Variants in RBFOX1 observed in about 807,000 individuals in gnomAD.
The protein encoded by RBFOX1 is RNA binding fox-1 homolog 1, also known as RNA binding protein fox-1 homolog 1.
A neutral mutation model predicts 57.7 loss-of-function variants in RBFOX1; 8 were observed. The observed-to-expected ratio is 0.14, with a 90% CI of 0.08 to 0.25. The LOEUF is 0.25. RBFOX1 is among the 10% of genes least tolerant of loss of function. The probability of loss-of-function intolerance (pLI) is 1.00; values close to 1 mark genes in which losing one functional copy is unlikely to be tolerated. For missense variants in RBFOX1, 611 were observed against 548.5 expected (o/e 1.11, Z -1.14); for synonymous variants, 326 against 222.4 (o/e 1.47, Z -4.15).
chr16:6,754,687 C>T (rs1270879741), intron 3 of RBFOX1, among the ~76,000 whole-genome samples: 2 of 151,904 alleles, frequency 1.3e-5, no homozygotes, highest in South Asian at 2.1e-4. Flanking sequence ...GAGAGAGATG[C>T]AGGAAATGGA....
chr16:5,429,080 A>G (rs2067651128), intron 1 of RBFOX1, among the ~76,000 whole-genome samples: 1 of 152,150 alleles, frequency 6.6e-6, no homozygotes, highest in Admixed American at 6.5e-5. Context: ...GAAGGGGACC[A>G]GGAAAACCAG....
intron 2 of RBFOX1, chr16:6,483,929 C>G (rs2095418196): frequency 1.9e-6 from 2 of 1,074,020 alleles, no homozygotes; most frequent in Non-Finnish European, 2.3e-6. Flanking sequence ...GTAAGCCGAG[C>G]TCCAGCTCCG....
chr16:7,154,110 G>T (rs1291580395), intron 4 of RBFOX1, among the ~76,000 whole-genome samples: 6 of 152,168 alleles, frequency 3.9e-5, no homozygotes, highest in Non-Finnish European at 7.3e-5. Context: ...AGGTAGAAAA[G>T]CACTCAAGAT....
At chr16:5,399,725 C>A (rs1186936843) in intron 1 of RBFOX1, among the ~76,000 whole-genome samples, 1 of 150,672 alleles carries the variant, frequency 6.6e-6, no homozygotes, top group Non-Finnish European at 1.5e-5. Flanking sequence ...GACAGTGAGA[C>A]CCTGTCTTAA....
chr16:5,714,886 TGACTTCA>T lies in RBFOX1; in HGVS notation c.318+115927_318+115933del, dbSNP rs1166836582. ...GTCACGTAGCTAGTAGACATCTCAG[TGACTTCA>T]GTGTCAAACACAGAGGCAAGCATAG... On this transcript the variant is annotated intron_variant, in intron 3 of 19. Transcript: ENST00000641259. Among the ~76,000 whole-genome samples, 977 of 152,298 alleles carry T rather than the reference TGACTTCA, an allele frequency of 6.4e-3. 7 individuals are homozygous for T. The highest frequency in any genetic ancestry group is 0.021 in the African/African-American group (890 of 41,552).
intron 3 of RBFOX1, among the ~76,000 whole-genome samples, chr16:6,672,475 GAAA>G (rs1309174855): frequency 7.2e-6 from 1 of 138,750 alleles, no homozygotes; most frequent in Non-Finnish European, 1.6e-5. Flanking sequence ...AAGAAGGAAA[GAAA>G]AAAGAAAAAG....
rs1353282614 is a variant in RBFOX1, at chr16:7,674,860, G to A, written c.931-1914G>A. 2.0e-5 allele frequency among the ~76,000 whole-genome samples: 3 copies of A among 152,174 alleles called. No individual in the cohort carries two copies. The East Asian group carries it at 5.8e-4, about 29-fold the overall frequency. On this transcript the variant is annotated intron_variant, in intron 13 of 15. Coordinates refer to ENST00000550418, the MANE Select transcript of RBFOX1 (RefSeq NM_018723.4). ...GCCTTCTTCCATTGACTGAAACTAAGGCAGAAGGTGGAGGATATGCAAAGT... is the reference window on the plus strand; with the variant it reads ...GCCTTCTTCCATTGACTGAAACTAAAGCAGAAGGTGGAGGATATGCAAAGT...
At chr16:7,225,921 A>ATATATATATATATATATATATATAT (rs1567789355) in intron 4 of RBFOX1, among the ~76,000 whole-genome samples, 2 of 73,210 alleles carry the variant, frequency 2.7e-5, no homozygotes, top group African/African-American at 1.1e-4. Flanking sequence ...TATATATATA[A>ATATATATATATATATATATATATAT]ATGTGAATGT....
intron 1 of RBFOX1, among the ~76,000 whole-genome samples, chr16:5,294,607 A>G (rs969637685): frequency 6.6e-6 from 1 of 152,134 alleles, no homozygotes; most frequent in Non-Finnish European, 1.5e-5. Context: ...CGAGGACTGT[A>G]CATATTGAAA....
At chr16:5,900,971 A>G (rs1485594927) in intron 4 of RBFOX1, among the ~76,000 whole-genome samples, 2 of 152,234 alleles carry the variant, frequency 1.3e-5, no homozygotes, top group Non-Finnish European at 2.9e-5. Flanking sequence ...CAGAGGTGGC[A>G]TGTGAGAAGC....
intron 1 of RBFOX1, among the ~76,000 whole-genome samples, chr16:5,432,886 G>A (rs1287614545): frequency 6.6e-6 from 1 of 151,980 alleles, no homozygotes; most frequent in African/African-American, 2.4e-5. Context: ...CCCAGGTTCA[G>A]GTGATCCTCC....
At chr16:5,985,106 C>T (rs907882880) in intron 4 of RBFOX1, among the ~76,000 whole-genome samples, 5 of 150,640 alleles carry the variant, frequency 3.3e-5, no homozygotes, top group Admixed American at 1.3e-4. Flanking sequence ...CTGTCTCAGC[C>T]TCCTGAGTAG....
At chr16:7,434,656 C>G (rs1471808666) in intron 4 of RBFOX1, among the ~76,000 whole-genome samples, 1 of 151,960 alleles carries the variant, frequency 6.6e-6, no homozygotes, top group Non-Finnish European at 1.5e-5. Context: ...TTTTAGAATA[C>G]TTTTACATTT....
At chr16:7,296,199 T>G (rs891367768) in intron 4 of RBFOX1, among the ~76,000 whole-genome samples, 12 of 151,970 alleles carry the variant, frequency 7.9e-5, no homozygotes, top group Non-Finnish European at 1.8e-4. Flanking sequence ...AGTGAAAATT[T>G]TAATAGACTT....
intron 3 of RBFOX1, among the ~76,000 whole-genome samples, chr16:5,837,004 A>G (rs1275715135): frequency 6.6e-6 from 1 of 152,166 alleles, no homozygotes; most frequent in African/African-American, 2.4e-5. Context: ...AGTCTTCCCT[A>G]GAGCCCTTGC....
At chr16:6,320,477 C>T (rs371607284) in intron 2 of RBFOX1, among the ~76,000 whole-genome samples, 3 of 151,762 alleles carry the variant, frequency 2.0e-5, no homozygotes, top group African/African-American at 7.3e-5. Context: ...ACCTGTACCC[C>T]TAAAAGTATT....
Position 6,620,076 on chromosome 16 carries a change from A to G in RBFOX1, c.-63-34527A>G, listed in dbSNP as rs544600048. ...ATGGCTGCATAGCATTCCATGGTGC[A>G]TATGGACCACATTTTCTTTATCCAG... On this transcript the variant is annotated intron_variant, in intron 2 of 15. Coordinates refer to ENST00000550418, the MANE Select transcript of RBFOX1 (RefSeq NM_018723.4). 6.6e-5 allele frequency among the ~76,000 whole-genome samples: 10 copies of G among 152,332 alleles called. No individual in the cohort carries two copies. In the South Asian group the frequency reaches 2.1e-3, roughly 32 times the overall value.
At chr16:7,569,178 A>G (rs1162373337) in intron 5 of RBFOX1, among the ~76,000 whole-genome samples, 3 of 152,130 alleles carry the variant, frequency 2.0e-5, no homozygotes, top group Non-Finnish European at 2.9e-5. Flanking sequence ...TGAGCGTGCA[A>G]TAGTTTTCTT....
chr16:7,048,601 T>C (rs2048870582), intron 3 of RBFOX1, among the ~76,000 whole-genome samples: 1 of 152,196 alleles, frequency 6.6e-6, no homozygotes, highest in Non-Finnish European at 1.5e-5. Flanking sequence ...GCTAATGCTG[T>C]CAATTTTTTT....
Sources: allele counts gnomAD v4.1 joint callset (sites outside exome capture counted in the v4.1 genomes callset), GRCh38; gene constraint gnomAD v4.1.1; transcripts MANE v1.5; gene names NCBI Gene and HGNC (gene_info 2026-07-23, HGNC 2026-07-21).